The following ELL2 variants were observed in gnomAD, a reference collection of about 807,000 sequenced individuals.
ELL2 encodes elongation factor for RNA polymerase II 2, also known as RNA polymerase II elongation factor ELL2.
A neutral mutation model predicts 72.8 loss-of-function variants in ELL2; 21 were observed. The ratio of observed to expected loss-of-function variants is 0.29; its 90% CI spans 0.20 to 0.42. The LOEUF (loss-of-function observed/expected upper bound fraction) is 0.42. Among genes scored for constraint, ELL2 ranks in the 10% least tolerant of loss-of-function variants. The pLI is 1.00. For synonymous variants in ELL2, 266 were observed against 283.2 expected (o/e 0.94, Z 0.61); for missense variants, 568 against 772.8 (o/e 0.73, Z 3.14).
Position 95,961,827 on chromosome 5 carries a change from C to T in ELL2, c.-106G>A, listed in dbSNP as rs1347599025. On this transcript the variant is annotated 5_prime_UTR_variant, in exon 1 of 12. Transcript: ENST00000237853. ...GCCGCCGCCACTGCTAGGGCCATCC[C>T]GCTGCTGACGTACTGTCATATACTG... 1 of 1,388,834 alleles carries T rather than the reference C, an allele frequency of 7.2e-7. No individual in the cohort carries two copies. The highest frequency in any genetic ancestry group is 9.5e-7 in the Non-Finnish European group (1 of 1,053,838). 86.0% of individuals were successfully genotyped at this position (1,388,834 alleles called of 1,614,324 possible).
Position 95,927,423 on chromosome 5 carries a change from A to G in ELL2, c.196-7878T>C, listed in dbSNP as rs1264047116. Among the ~76,000 whole-genome samples, 11 of 61,638 alleles carry G rather than the reference A, an allele frequency of 1.8e-4. 1 individual carries two copies. The highest frequency in any genetic ancestry group is 2.5e-4 in the Non-Finnish European group (9 of 35,428). The allele number at this position is 61,638 out of a possible 152,430, so 40.4% of individuals were successfully genotyped here. On this transcript the variant is annotated intron_variant, in intron 2 of 11. Transcript: ENST00000237853. Reference sequence around the variant, plus strand: ...CATACACACACGTGTGTATATAGACATACACACACACGTGTGTATATAGAC... The same window carrying G: ...CATACACACACGTGTGTATATAGACGTACACACACACGTGTGTATATAGAC...
intron 1 of ELL2, among the ~76,000 whole-genome samples, chr5:95,950,900 ATG>A (rs527928301): frequency 0.029 from 1,316 of 45,954 alleles, 97 homozygotes; most frequent in African/African-American, 0.13. Flanking sequence ...GTATGTATGT[ATG>A]TGTATATATA....
intron 9 of ELL2, among the ~76,000 whole-genome samples, chr5:95,892,490 G>A (rs538832900): frequency 6.6e-6 from 1 of 152,234 alleles, no homozygotes; most frequent in Admixed American, 6.5e-5. Flanking sequence ...CTGGGAACTG[G>A]GATCACATAA....
chr5:95,940,964 A>G (rs948651831), intron 2 of ELL2, among the ~76,000 whole-genome samples: 19 of 152,032 alleles, frequency 1.2e-4, no homozygotes, highest in African/African-American at 4.6e-4. Context: ...AGAGCTCTGC[A>G]AAAAGAAGGG....
At chr5:95,902,401 C>A (rs1283112071) in intron 5 of ELL2, among the ~76,000 whole-genome samples, 3 of 152,188 alleles carry the variant, frequency 2.0e-5, no homozygotes. Flanking sequence ...GAAGTGTAAT[C>A]TTTTCTTATC....
At chr5:95,918,220 T>G (rs1749902649) in intron 3 of ELL2, among the ~76,000 whole-genome samples, 2 of 152,272 alleles carry the variant, frequency 1.3e-5, no homozygotes, top group African/African-American at 4.8e-5. Context: ...AGGTAGCTAC[T>G]GAGACCACAA....
chr5:95,932,984 C>T (rs1203745406), intron 2 of ELL2, among the ~76,000 whole-genome samples: 1 of 152,160 alleles, frequency 6.6e-6, no homozygotes, highest in Non-Finnish European at 1.5e-5. Flanking sequence ...ATGGAGACAA[C>T]AAGGCACTGG....
At position 95,943,026 on chromosome 5, in the gene ELL2, T is replaced by C. The variant is rs144281497; in HGVS notation, c.171A>G (p.Ser57=). ...CCCCGTGGAGTCCTTGGAACTGGAT[T>C]GAAGGTCGAAAAGGAATTAAATTCT... ...SHKNLIPFRP[S]IQFQGLHGLV... is the part of the protein sequence containing the mutation. The change falls in exon 2 of 12, where the codon TCA becomes TCG. Residue 57 remains serine (S), a synonymous_variant. Transcript: ENST00000237853. 125 of 1,602,696 alleles carry C rather than the reference T, an allele frequency of 7.8e-5. No homozygotes were observed. Among genetic ancestry groups the C allele is most frequent in the Non-Finnish European group, 1.0e-4 (123 of 1,174,494 alleles).
chr5:95,919,813 C>G (rs1267734670), intron 2 of ELL2, among the ~76,000 whole-genome samples: 6 of 152,172 alleles, frequency 3.9e-5, no homozygotes, highest in Non-Finnish European at 8.8e-5. Context: ...TAAGAGGAAC[C>G]CTTTTCATTT....
chr5:95,920,736 T>G lies in ELL2; in HGVS notation c.196-1191A>C, dbSNP rs187687398. On this transcript the variant is annotated intron_variant, in intron 2 of 11. Transcript: ENST00000237853. ...TCTGAAACCTTTCCTCCCTTGGGTC[T>G]GCATGGTGTTAGGTGATAATTAAAA... 2.6e-5 allele frequency among the ~76,000 whole-genome samples: 4 copies of G among 152,310 alleles called. No individual in the cohort carries two copies. In the East Asian group the frequency reaches 7.7e-4, roughly 29 times the overall value.
chr5:95,904,152 C>A (rs1749258492), intron 5 of ELL2, among the ~76,000 whole-genome samples: 2 of 152,156 alleles, frequency 1.3e-5, no homozygotes, highest in African/African-American at 4.8e-5. Flanking sequence ...GGATTCCTTC[C>A]CCAGCTCCTT....
At chr5:95,909,621 C>T (rs1749504287) in intron 4 of ELL2, among the ~76,000 whole-genome samples, 1 of 152,162 alleles carries the variant, frequency 6.6e-6, no homozygotes, top group African/African-American at 2.4e-5. Flanking sequence ...AGAAAAAAGC[C>T]ATTTTAATAA....
intron 2 of ELL2, among the ~76,000 whole-genome samples, chr5:95,931,451 T>A (rs911814582): frequency 1.1e-4 from 17 of 152,264 alleles, no homozygotes; most frequent in African/African-American, 3.4e-4. Flanking sequence ...TATAATGAGA[T>A]GTTTTATTTT....
intron 4 of ELL2, among the ~76,000 whole-genome samples, chr5:95,907,271 G>A (rs1455082815): frequency 7.7e-6 from 1 of 129,362 alleles, no homozygotes; most frequent in Non-Finnish European, 1.6e-5. Flanking sequence ...TGAGGCATCC[G>A]TTAGTGATAT....
chr5:95,919,242 C>T (rs974545911), intron 3 of ELL2, among the ~76,000 whole-genome samples, 182 bp downstream of exon 3: 27 of 152,172 alleles, frequency 1.8e-4, no homozygotes, highest in African/African-American at 6.0e-4. Flanking sequence ...ATTATATCCC[C>T]ATTACAAATG....
chr5:95,898,777 A>C lies in ELL2; in HGVS notation c.988T>G (p.Leu330Val). Reference protein sequence around the residue: ...RLLDSEFIDPLMNKKARISHL... With the variant: ...RLLDSEFIDPVMNKKARISHL... ...GATATTCGGGCTTTTTTATTCATTA[A>C]AGGATCAATAAACTCTGAATCCAAA... The change falls in exon 8 of 12, where the codon TTA (leucine) becomes GTA (valine). Residue 330 changes from leucine to valine, a missense_variant. Physicochemically the swap from Leu to Val is conservative, Grantham distance 32. Coordinates refer to ENST00000237853, the MANE Select transcript of ELL2 (RefSeq NM_012081.6). 6.6e-7 allele frequency: 1 copy of C among 1,525,410 alleles called. No individual in the cohort carries two copies. The highest frequency in any genetic ancestry group is 8.8e-7 in the Non-Finnish European group (1 of 1,136,388). The allele number at this position is 1,525,410 out of a possible 1,614,324, so 94.5% of individuals were successfully genotyped here. A position where few individuals can be genotyped will look rare whatever the true frequency, so the allele number is the denominator to read the frequency against.
chr5:95,896,265 A>G (rs925057739), intron 8 of ELL2, among the ~76,000 whole-genome samples: 12 of 145,842 alleles, frequency 8.2e-5, no homozygotes, highest in Non-Finnish European at 1.3e-4. Context: ...TCTAGCACTC[A>G]TAACACTAAA....
chr5:95,959,989 G>T (rs554681662), intron 1 of ELL2, among the ~76,000 whole-genome samples: 9 of 152,230 alleles, frequency 5.9e-5, no homozygotes, highest in Admixed American at 5.9e-4. Flanking sequence ...GGGTGGGGGG[G>T]CTCTCTGAAT....
At position 95,898,639 on chromosome 5, in the gene ELL2, G is replaced by C; in HGVS notation, c.1126C>G (p.Pro376Ala). Reference protein sequence around the residue: ...PPAAAAIPTPPPLPSTYLPIS... With the variant: ...PPAAAAIPTPAPLPSTYLPIS... Reference sequence around the variant, plus strand: ...GGCAGATAGGTTGAAGGCAGCGGTGGAGGGGTAGGGATGGCAGCAGCCGCA... The same window carrying C: ...GGCAGATAGGTTGAAGGCAGCGGTGCAGGGGTAGGGATGGCAGCAGCCGCA... The change falls in exon 8 of 12, where the codon CCA becomes GCA. Residue 376 changes from proline to alanine, a missense_variant. Pro to Ala is a conservative substitution (Grantham distance 27, BLOSUM62 -1). Around this residue, in one of 2 missense-constraint regions of ELL2, gnomAD observed 511 missense variants for 728.4 expected, o/e 0.70. Transcript: ENST00000237853. 6.2e-7 allele frequency: 1 copy of C among 1,613,010 alleles called. No individual in the cohort carries two copies. Among genetic ancestry groups the C allele is most frequent in the Non-Finnish European group, 8.5e-7 (1 of 1,179,382 alleles).
Sources: allele counts gnomAD v4.1 joint callset (sites outside exome capture counted in the v4.1 genomes callset), GRCh38; gene constraint gnomAD v4.1.1; regional missense constraint gnomAD v4.1.1; transcripts MANE v1.5; gene names NCBI Gene and HGNC (gene_info 2026-07-23, HGNC 2026-07-21).